Variants in IL4R observed in about 807,000 individuals in gnomAD.
The protein encoded by IL4R is interleukin 4 receptor, also known as interleukin-4 receptor subunit alpha.
IL4R carries 17 observed loss-of-function variants against 41.5 expected under a neutral mutation model. The ratio of observed to expected loss-of-function variants is 0.41; its 90% CI spans 0.28 to 0.61. IL4R has a LOEUF of 0.61. IL4R is among the 20% of genes least tolerant of loss of function. IL4R has a pLI of 0.31. For synonymous variants in IL4R, 402 were observed against 422.9 expected (o/e 0.95, Z 0.61); for missense variants, 974 against 1,043.1 (o/e 0.93, Z 0.91).
intron 1 of IL4R, among the ~76,000 whole-genome samples, chr16:27,319,767 A>G (rs2084757258): frequency 6.6e-6 from 1 of 152,104 alleles, no homozygotes; most frequent in Non-Finnish European, 1.5e-5. Flanking sequence ...TCGCATTACC[A>G]CCCAAGCTCG....
At chr16:27,327,489 C>G (rs2084988937) in intron 1 of IL4R, among the ~76,000 whole-genome samples, 1 of 152,142 alleles carries the variant, frequency 6.6e-6, no homozygotes, top group African/African-American at 2.4e-5. Flanking sequence ...GCCCATGCTT[C>G]TGCTCATTTC....
intron 6 of IL4R, among the ~76,000 whole-genome samples, chr16:27,347,235 G>A (rs979114139): frequency 3.3e-5 from 5 of 152,168 alleles, no homozygotes; most frequent in Admixed American, 3.3e-4. Context: ...CTGTCACCCA[G>A]GGTGGAACAC....
intron 7 of IL4R, chr16:27,355,390 C>G (rs2086026048): frequency 3.5e-6 from 1 of 283,474 alleles, no homozygotes; most frequent in Non-Finnish European, 7.1e-6. Context: ...ATTGATTCAT[C>G]ATGTCATCCT....
At position 27,363,918 on chromosome 16, in the gene IL4R, C is replaced by T. The variant is rs2234924; in HGVS notation, c.*88C>T. The T allele has an allele frequency of 1.4e-6, 2 of 1,444,890 alleles. No individual in the cohort carries two copies. The highest frequency in any genetic ancestry group is 4.3e-5 in the Admixed American group (2 of 46,458). 89.5% of individuals were successfully genotyped at this position (1,444,890 alleles called of 1,614,324 possible). ...TGCCACCTCCTGGAAGGCAGCCAGG[C>T]TGGCAGATTTCCAAAAGACTTGAAG... On this transcript the variant is annotated 3_prime_UTR_variant, in exon 11 of 11. Coordinates refer to ENST00000395762, the MANE Select transcript of IL4R (RefSeq NM_000418.4).
rs116565661 is a variant in IL4R, at chr16:27,326,329, A to G, written c.-151-3737A>G. 3.6e-3 allele frequency among the ~76,000 whole-genome samples: 545 copies of G among 152,276 alleles called. 3 individuals are homozygous for G. The highest frequency in any genetic ancestry group is 0.012 in the African/African-American group (506 of 41,576). ...GCCAGCACATAGGCAGTACTTGGAA[A>G]ACACCCACAGCAAGAATAAATGAGG... is the stretch of plus-strand genomic sequence containing the variant. On this transcript the variant is annotated intron_variant, in intron 1 of 10. Transcript: ENST00000395762.
At position 27,362,416 on chromosome 16, in the gene IL4R, G is replaced by C; in HGVS notation, c.1064G>C (p.Ser355Thr). Residue 355 changes from serine (S) to threonine (T), a missense_variant, in exon 11 of 11, where the codon AGC becomes ACC. Ser to Thr is a moderately conservative substitution (Grantham distance 58, BLOSUM62 1). Coordinates refer to ENST00000395762, the MANE Select transcript of IL4R (RefSeq NM_000418.4). ...AGCAAGACAGTCCTCTGGCCAGAGA[G>C]CATCAGCGTGGTGCGATGTGTGGAG... ...EISKTVLWPE[S>T]ISVVRCVELF... 1 of 1,614,184 alleles carries C rather than the reference G, an allele frequency of 6.2e-7. No homozygotes were observed. The highest frequency in any genetic ancestry group is 8.5e-7 in the Non-Finnish European group (1 of 1,180,038).
chr16:27,320,350 G>A (rs1002222048), intron 1 of IL4R, among the ~76,000 whole-genome samples: 6 of 152,172 alleles, frequency 3.9e-5, no homozygotes, highest in African/African-American at 7.2e-5. Context: ...AATAAAGTAC[G>A]TAATACATGT....
intron 6 of IL4R, 45 bp from the exon 7 acceptor site, chr16:27,352,495 C>T: frequency 3.8e-6 from 6 of 1,587,170 alleles, no homozygotes; most frequent in Non-Finnish European, 5.2e-6. Context: ...CACTGGTGCC[C>T]CTCGCCCCCG....
At chr16:27,341,414 C>T (rs986029960) in intron 3 of IL4R, 2 of 542,380 alleles carry the variant, frequency 3.7e-6, no homozygotes, top group Non-Finnish European at 6.6e-6. Context: ...ATGGTAAGCC[C>T]TTATGCAAGT....
Position 27,362,579 on chromosome 16 carries a change from C to T in IL4R, c.1227C>T (p.Ser409=). 6.2e-7 allele frequency: 1 copy of T among 1,614,180 alleles called. No homozygotes were observed. Among genetic ancestry groups the T allele is most frequent in the Non-Finnish European group, 8.5e-7 (1 of 1,180,024 alleles). Reference sequence around the variant, plus strand: ...GCATTGTGGCCCGGCTAACAGAGAGCCTGTTCCTGGACCTGCTCGGAGAGG... The same window carrying T: ...GCATTGTGGCCCGGCTAACAGAGAGTCTGTTCCTGGACCTGCTCGGAGAGG... The part of the protein sequence containing the change: ...REGIVARLTE[S]LFLDLLGEEN... The change falls in exon 11 of 11, where the codon AGC becomes AGT. Residue 409 remains serine (S), a synonymous_variant. Transcript: ENST00000395762.
intron 10 of IL4R, among the ~76,000 whole-genome samples, chr16:27,361,291 A>T (rs1384463746): frequency 6.6e-6 from 1 of 151,958 alleles, no homozygotes; most frequent in Admixed American, 6.6e-5. Context: ...GATGTGCATT[A>T]CCACGCCTGG....
chr16:27,354,430 A>G (rs1205044166), intron 7 of IL4R, among the ~76,000 whole-genome samples: 1 of 152,216 alleles, frequency 6.6e-6, no homozygotes, highest in East Asian at 1.9e-4. Flanking sequence ...CTCTTTTTTA[A>G]TCAGGAAGCA....
chr16:27,347,197 GTTGT>G (rs1310309183), intron 6 of IL4R, among the ~76,000 whole-genome samples: 1 of 152,014 alleles, frequency 6.6e-6, no homozygotes, highest in African/African-American at 2.4e-5. Flanking sequence ...AGTTTTTGTT[GTTGT>G]TTGTTTTGAG....
chr16:27,342,009 C>A, intron 3 of IL4R, 112 bp from the exon 4 acceptor site: 1 of 1,227,824 alleles, frequency 8.1e-7, no homozygotes, highest in Non-Finnish European at 1.1e-6. Flanking sequence ...CGCTGGCCCT[C>A]AACTTTGCCT....
chr16:27,314,128 A>C (rs1266233103), intron 1 of IL4R, 108 bp downstream of exon 1: 1 of 975,310 alleles, frequency 1.0e-6, no homozygotes, highest in Non-Finnish European at 1.2e-6. Context: ...CACGGGGACC[A>C]CCCCGACTCC....
chr16:27,326,850 C>G (rs2084967993), intron 1 of IL4R, among the ~76,000 whole-genome samples: 1 of 152,118 alleles, frequency 6.6e-6, no homozygotes, highest in Non-Finnish European at 1.5e-5. Flanking sequence ...ACGGAGCCAA[C>G]CAGGCAGATC....
Position 27,342,211 on chromosome 16 carries a change from G to A in IL4R, c.161G>A (p.Cys54Tyr). Residue 54 changes from cysteine (C) to tyrosine (Y), a missense_variant, in exon 4 of 11, where the codon TGC (cysteine) becomes TAC (tyrosine). By Grantham distance (194) the Cys-to-Tyr change is radical (BLOSUM62 -2). This residue lies in a region of IL4R where 284 missense variants were observed against 313.4 expected (regional missense o/e 0.91). Transcript: ENST00000395762. ...TGGAAGATGAATGGTCCCACCAATT[G>A]CAGCACCGAGCTCCGCCTGTTGTAC... ...CEWKMNGPTN[C>Y]STELRLLYQL... The A allele has an allele frequency of 1.9e-6, 3 of 1,614,230 alleles. No individual in the cohort carries two copies. Among genetic ancestry groups the A allele is most frequent in the Non-Finnish European group, 2.5e-6 (3 of 1,180,042 alleles).
In IL4R at chr16:27,342,273, G is replaced by A. The variant is rs1596814835; in HGVS notation, c.209+14G>A. On this transcript the variant is annotated intron_variant, in intron 4 of 10. Transcript: ENST00000395762. ...TCTGCTCTCCGAGTAAGCCTGCGCT[G>A]GAGCTGGAGGTTTGGGGAGGTTGTG... 3 of 1,614,014 alleles carry A rather than the reference G, an allele frequency of 1.9e-6. No homozygotes were observed. Among genetic ancestry groups the A allele is most frequent in the African/African-American group, 1.3e-5 (1 of 75,062 alleles).
chr16:27,342,038 A>G (rs2085457921), intron 3 of IL4R, 83 bp from the exon 4 acceptor site: 46 of 1,502,304 alleles, frequency 3.1e-5, no homozygotes, highest in South Asian at 1.9e-4. Flanking sequence ...CTTTTGTGCT[A>G]TTCCCCTTGG....
Sources: gnomAD v4.1 joint callset for allele counts (sites outside exome capture counted in the v4.1 genomes callset) on GRCh38, gnomAD v4.1.1 for gene constraint, gnomAD v4.1.1 regional missense constraint, MANE v1.5 for transcripts, NCBI Gene and HGNC (gene_info 2026-07-23, HGNC 2026-07-21) for gene names.